The following OCA2 variants were observed in gnomAD, a reference collection of about 807,000 sequenced individuals.
OCA2 encodes the protein OCA2 melanosomal transmembrane protein.
A neutral mutation model predicts 100.2 loss-of-function variants in OCA2; 77 were observed. That is an observed-to-expected ratio of 0.77 (90% CI 0.64 to 0.93). The LOEUF is 0.93. Ranked by LOEUF, OCA2 falls within the 40% of genes least tolerant of loss-of-function variation. The pLI is 0.00. For synonymous variants in OCA2, 432 were observed against 439.2 expected, an observed-to-expected ratio of 0.98 and a Z score of 0.21; for missense variants, 1,062 against 1,089.1, an observed-to-expected ratio of 0.98 and a Z score of 0.35.
chr15:27,787,459 TA>T (rs1370973223), intron 23 of OCA2, among the ~76,000 whole-genome samples: 1 of 152,080 alleles, frequency 6.6e-6, no homozygotes, highest in East Asian at 1.9e-4. Context: ...CTAGTTCTCA[TA>T]GGTTCTGTTT....
At chr15:27,742,095 G>A in the OCA2 span, among the ~76,000 whole-genome samples, 2 of 152,196 alleles carry the variant, frequency 1.3e-5, no homozygotes, top group Admixed American at 1.3e-4. Flanking sequence ...TTGGAGGCAG[G>A]TGATATGTTC....
rs751023509 is a variant in OCA2, at chr15:27,871,282, G to A, written c.2140-24C>T. The stretch of plus-strand genomic sequence containing the variant: ...ATCTGGAAGGAGGACAATAGCAGCT[G>A]CAGTGTTCCATCGCATGCACTTAGG... On this transcript the variant is annotated intron_variant, in intron 20 of 23. Transcript: ENST00000354638. 15 of 1,574,032 alleles carry A rather than the reference G, an allele frequency of 9.5e-6. No homozygotes were observed. In the African/African-American group the frequency reaches 2.0e-4, roughly 21 times the overall value.
intron 2 of OCA2, among the ~76,000 whole-genome samples, chr15:28,068,315 G>A (rs1164801100): frequency 6.6e-6 from 1 of 152,204 alleles, no homozygotes; most frequent in African/African-American, 2.4e-5. Flanking sequence ...GATCTTCAGA[G>A]ATGAGTATGA....
chr15:28,069,193 C>A (rs555566602), intron 2 of OCA2, among the ~76,000 whole-genome samples: 1 of 151,958 alleles, frequency 6.6e-6, no homozygotes, highest in South Asian at 2.1e-4. Flanking sequence ...TTAGAAAATC[C>A]TAAAGACTCC....
chr15:27,814,446 A>G (rs2034198897), intron 23 of OCA2, among the ~76,000 whole-genome samples: 1 of 152,360 alleles, frequency 6.6e-6, no homozygotes, highest in African/African-American at 2.4e-5. Flanking sequence ...AAATTACAAA[A>G]CAGCTTTCAA....
chr15:28,091,292 A>G (rs2044866174), intron 1 of OCA2, among the ~76,000 whole-genome samples: 1 of 152,202 alleles, frequency 6.6e-6, no homozygotes, highest in South Asian at 2.1e-4. Context: ...GAAAATAGAA[A>G]ATGAGGTATA....
intron 23 of OCA2, chr15:27,776,391 A>C (rs1330402319): frequency 6.6e-6 from 1 of 152,174 alleles, no homozygotes; most frequent in African/African-American, 2.4e-5. Context: ...ACACTTGCTG[A>C]GATGCTTCTG....
intron 23 of OCA2, among the ~76,000 whole-genome samples, chr15:27,789,588 CAT>C (rs1451696122): frequency 6.6e-6 from 1 of 152,150 alleles, no homozygotes; most frequent in African/African-American, 2.4e-5. Flanking sequence ...GCCCTGTGCA[CAT>C]ACTCAGCTTT....
chr15:27,914,413 A>G (rs1203761068), intron 19 of OCA2, among the ~76,000 whole-genome samples: 1 of 152,214 alleles, frequency 6.6e-6, no homozygotes, highest in African/African-American at 2.4e-5. Flanking sequence ...GAAGAGAGGA[A>G]GTCAAACTAT....
chr15:27,755,428 C>G lies in OCA2; in HGVS notation c.2477G>C (p.Cys826Ser). Residue 826 changes from cysteine to serine, a missense_variant, in exon 24 of 24, where the codon TGT becomes TCT. Physicochemically the swap from Cys to Ser is moderately radical, Grantham distance 112 (BLOSUM62 -1). Transcript: ENST00000354638. ...MMVVSCTVGM[C>S]YLLVAHVVVG... ...CACCACATGAGCCACAAGGAGATAA[C>G]ACATCCCAACAGTGCAGGACACAAC... 1 of 1,613,952 alleles carries G rather than the reference C, an allele frequency of 6.2e-7. No individual in the cohort carries two copies. The highest frequency in any genetic ancestry group is 8.5e-7 in the Non-Finnish European group (1 of 1,179,854).
intron 23 of OCA2, among the ~76,000 whole-genome samples, chr15:27,771,777 G>C (rs1329097234): frequency 6.6e-6 from 1 of 151,842 alleles, no homozygotes. Context: ...ACTTAATTTT[G>C]TTAATTTTTG....
At chr15:27,849,413 C>T (rs772438064) in intron 22 of OCA2, among the ~76,000 whole-genome samples, 1 of 152,216 alleles carries the variant, frequency 6.6e-6, no homozygotes, top group Non-Finnish European at 1.5e-5. Flanking sequence ...CACCTTAGCA[C>T]GTGCACTTGC....
At position 28,078,658 on chromosome 15, in the gene OCA2, G is replaced by T. The variant is rs529128287; in HGVS notation, c.227+2990C>A. On this transcript the variant is annotated intron_variant, in intron 2 of 23. Transcript: ENST00000354638. ...TCCAGCTGAACACTGAGATGCTATG[G>T]TTAGAGCCATACATGACAACTTGTC... Among the ~76,000 whole-genome samples the T allele has an allele frequency of 3.3e-5, 5 of 152,290 alleles. No homozygotes were observed. The East Asian group carries it at 9.7e-4, about 29-fold the overall frequency.
chr15:27,906,446 A>G (rs2038180228), intron 19 of OCA2, among the ~76,000 whole-genome samples: 1 of 152,316 alleles, frequency 6.6e-6, no homozygotes, highest in East Asian at 1.9e-4. Flanking sequence ...ATAAAAATGA[A>G]TAAGTAAATA....
chr15:27,864,894 G>T (rs2036263815), intron 21 of OCA2, among the ~76,000 whole-genome samples: 2 of 151,878 alleles, frequency 1.3e-5, no homozygotes, highest in Non-Finnish European at 2.9e-5. Context: ...ATGCAATGGA[G>T]CCCTAAGAAC....
At chr15:27,729,241 T>A in the OCA2 span, among the ~76,000 whole-genome samples, 1 of 152,078 alleles carries the variant, frequency 6.6e-6, no homozygotes, top group Non-Finnish European at 1.5e-5. Context: ...TTGTCTATTG[T>A]ATCCCTCACT....
intron 21 of OCA2, among the ~76,000 whole-genome samples, chr15:27,858,002 C>CA (rs919857771): frequency 1.2e-4 from 17 of 146,584 alleles, no homozygotes; most frequent in Non-Finnish European, 2.1e-4. Context: ...CTGTACACTA[C>CA]AAAAAAATCA....
At chr15:27,762,087 C>T (rs543477165) in intron 23 of OCA2, among the ~76,000 whole-genome samples, 23 of 152,282 alleles carry the variant, frequency 1.5e-4, no homozygotes, top group African/African-American at 5.5e-4. Context: ...AGTGCAGTTT[C>T]GTAACATGGA....
intron 19 of OCA2, among the ~76,000 whole-genome samples, chr15:27,906,958 G>A (rs115386705): frequency 0.012 from 1,775 of 152,130 alleles, 28 homozygotes; most frequent in African/African-American, 0.036. Flanking sequence ...AGTGGGAGGC[G>A]CCAGGCTCTT....
Sources: allele counts gnomAD v4.1 joint callset (sites outside exome capture counted in the v4.1 genomes callset), GRCh38; gene constraint gnomAD v4.1.1; transcripts MANE v1.5; gene names NCBI Gene and HGNC (gene_info 2026-07-23, HGNC 2026-07-21).